LRRC37A2: variants seen among roughly 807,000 people sequenced by gnomAD.
LRRC37A2 encodes leucine rich repeat containing 37 member A2.
A neutral mutation model predicts 68.8 loss-of-function variants in LRRC37A2; 9 were observed. The ratio of observed to expected loss-of-function variants is 0.13; its 90% CI spans 0.08 to 0.23. The LOEUF (loss-of-function observed/expected upper bound fraction) is 0.23, where lower values mean the gene tolerates loss of function less well. Ranked by LOEUF, LRRC37A2 falls within the 10% of genes least tolerant of loss-of-function variation. The pLI, the probability that LRRC37A2 is intolerant of heterozygous loss-of-function variation, is 1.00. For synonymous variants in LRRC37A2, 63 were observed against 367.6 expected, an observed-to-expected ratio of 0.17 and a Z score of 9.48; for missense variants, 168 against 950.4, an observed-to-expected ratio of 0.18 and a Z score of 10.82.
the LRRC37A2 span, among the ~76,000 whole-genome samples, chr17:46,778,776 G>T: frequency 6.6e-6 from 1 of 152,020 alleles, no homozygotes; most frequent in Non-Finnish European, 1.5e-5. Context: ...TGAGCCCTCG[G>T]CTCGAAGCAC....
chr17:46,946,735 C>T, the LRRC37A2 span, among the ~76,000 whole-genome samples: 17 of 150,590 alleles, frequency 1.1e-4, no homozygotes, highest in South Asian at 4.2e-4. Context: ...AGTTGGTGTG[C>T]GCCTGTAGTC....
At chr17:47,018,294 G>A in the LRRC37A2 span, 2 of 1,611,510 alleles carry the variant, frequency 1.2e-6, no homozygotes, top group Non-Finnish European at 1.7e-6. Flanking sequence ...TCAGCCTTCT[G>A]AGTCTTCTGG....
the LRRC37A2 span, among the ~76,000 whole-genome samples, chr17:46,918,383 C>T: frequency 6.6e-6 from 1 of 152,050 alleles, no homozygotes; most frequent in South Asian, 2.1e-4. Context: ...CGGCCTATAA[C>T]ACAGTTTTTA....
At chr17:46,928,746 C>A in the LRRC37A2 span, among the ~76,000 whole-genome samples, 1 of 151,934 alleles carries the variant, frequency 6.6e-6, no homozygotes, top group Non-Finnish European at 1.5e-5. Context: ...CTCCCCCAAC[C>A]CGATTCCCTT....
the LRRC37A2 span, chr17:46,964,128 T>C: frequency 1.3e-5 from 2 of 152,214 alleles, no homozygotes; most frequent in Non-Finnish European, 2.9e-5. Context: ...TTTCCCCATA[T>C]CCAAGGCAAG....
At chr17:46,786,734 C>T in the LRRC37A2 span, among the ~76,000 whole-genome samples, 2 of 152,132 alleles carry the variant, frequency 1.3e-5, no homozygotes, top group African/African-American at 4.8e-5. Context: ...CATCAAGGCC[C>T]AGAGGCCTAC....
the LRRC37A2 span, among the ~76,000 whole-genome samples, chr17:46,773,163 C>G: frequency 2.6e-5 from 4 of 152,088 alleles, no homozygotes; most frequent in Non-Finnish European, 5.9e-5. Flanking sequence ...ACCCTCTAGC[C>G]CCACCATGAT....
At chr17:46,883,834 C>G in the LRRC37A2 span, among the ~76,000 whole-genome samples, 1 of 152,218 alleles carries the variant, frequency 6.6e-6, no homozygotes, top group South Asian at 2.1e-4. Context: ...ACCCTGCATA[C>G]CGCAAAGAGG....
the LRRC37A2 span, among the ~76,000 whole-genome samples, chr17:46,877,482 C>T: frequency 6.6e-6 from 1 of 152,186 alleles, no homozygotes; most frequent in Non-Finnish European, 1.5e-5. Context: ...GCAGGTAAGA[C>T]AGGTGGGAGA....
At chr17:46,498,937 A>G in the LRRC37A2 span, among the ~76,000 whole-genome samples, 1 of 150,762 alleles carries the variant, frequency 6.6e-6, no homozygotes, top group South Asian at 2.1e-4. Flanking sequence ...AGAGGTAATA[A>G]TGGTAGCTAT....
chr17:46,823,198 T>TATATATAATATATTATATATATA, the LRRC37A2 span, among the ~76,000 whole-genome samples: 2 of 109,356 alleles, frequency 1.8e-5, no homozygotes, highest in African/African-American at 9.0e-5. Flanking sequence ...TTATATATAT[T>TATATATAATATATTATATATATA]TATATATAAT....
chr17:46,625,987 G>A, the LRRC37A2 span, among the ~76,000 whole-genome samples: 1 of 147,114 alleles, frequency 6.8e-6, no homozygotes, highest in African/African-American at 2.6e-5. Context: ...AGATTATCAT[G>A]AGAGGACTGT....
chr17:46,982,206 G>A, the LRRC37A2 span, among the ~76,000 whole-genome samples: 16 of 152,318 alleles, frequency 1.1e-4, no homozygotes, highest in African/African-American at 3.8e-4. Context: ...CGAACATTCT[G>A]TCCTCTGCTT....
the LRRC37A2 span, among the ~76,000 whole-genome samples, chr17:46,769,240 C>T: frequency 6.8e-6 from 1 of 147,992 alleles, no homozygotes; most frequent in Non-Finnish European, 1.5e-5. Flanking sequence ...TGCTTGAACT[C>T]GGGAGGCGGA....
At chr17:46,769,355 T>C in the LRRC37A2 span, among the ~76,000 whole-genome samples, 17 of 146,458 alleles carry the variant, frequency 1.2e-4, no homozygotes, top group African/African-American at 4.3e-4. Context: ...AAAAAAGAAA[T>C]AGGAGTTATC....
chr17:46,784,932 T>C, the LRRC37A2 span, among the ~76,000 whole-genome samples: 119 of 152,152 alleles, frequency 7.8e-4, no homozygotes, highest in Admixed American at 2.4e-3. Context: ...CCCGCCACCA[T>C]GCCCGGCTAA....
chr17:46,903,347 C>T, the LRRC37A2 span, among the ~76,000 whole-genome samples: 1 of 151,660 alleles, frequency 6.6e-6, no homozygotes, highest in Non-Finnish European at 1.5e-5. Flanking sequence ...GAATTGTCTG[C>T]AGTCCCCAGA....
the LRRC37A2 span, chr17:46,755,864 C>T: frequency 1.2e-6 from 2 of 1,601,358 alleles, no homozygotes; most frequent in Non-Finnish European, 1.7e-6. Context: ...AGGGAAGTGA[C>T]CAAGGTGAAG....
chr17:46,972,823 C>T, the LRRC37A2 span, among the ~76,000 whole-genome samples: 3 of 152,162 alleles, frequency 2.0e-5, no homozygotes, highest in South Asian at 2.1e-4. Flanking sequence ...ATTAGCATCT[C>T]GAGGGCAGAG....
Sources: gnomAD v4.1 joint callset for allele counts (sites outside exome capture counted in the v4.1 genomes callset) on GRCh38, gnomAD v4.1.1 for gene constraint, MANE v1.5 for transcripts, NCBI Gene and HGNC (gene_info 2026-07-23, HGNC 2026-07-21) for gene names.